CNOT1: variants seen among roughly 807,000 people sequenced by gnomAD.
The protein encoded by CNOT1 is CCR4-NOT transcription complex subunit 1, also known as CCR4-associated factor 1.
A neutral mutation model predicts 273.8 loss-of-function variants in CNOT1; 15 were observed. That is an observed-to-expected ratio of 0.05 (90% CI 0.04 to 0.08). CNOT1 has a LOEUF of 0.08. Ranked by LOEUF, CNOT1 falls within the 10% of genes least tolerant of loss-of-function variation. CNOT1 has a pLI of 1.00. For synonymous variants in CNOT1, 1,022 were observed against 1,005.5 expected (o/e 1.02, Z -0.31); for missense variants, 1,644 against 2,912.2 (o/e 0.56, Z 10.02).
intron 1 of CNOT1, among the ~76,000 whole-genome samples, chr16:58,604,589 C>T (rs1164486666): frequency 1.4e-5 from 2 of 146,306 alleles, no homozygotes; most frequent in East Asian, 2.0e-4. Context: ...GGAGACCAGC[C>T]TGACCAACAT....
chr16:58,533,423 T>C, intron 40 of CNOT1, among the ~76,000 whole-genome samples: 1 of 151,574 alleles, frequency 6.6e-6, no homozygotes, highest in South Asian at 2.1e-4. Flanking sequence ...GATCACAAGG[T>C]TGGGAGAGCG....
At chr16:58,591,820 T>C (rs2042066376) in intron 2 of CNOT1, among the ~76,000 whole-genome samples, 1 of 152,030 alleles carries the variant, frequency 6.6e-6, no homozygotes, top group Admixed American at 6.6e-5. Context: ...TTTGATACAC[T>C]CTAAGTCTTA....
chr16:58,535,702 A>G (rs1301242915), intron 39 of CNOT1, among the ~76,000 whole-genome samples: 1 of 151,860 alleles, frequency 6.6e-6, no homozygotes, highest in Non-Finnish European at 1.5e-5. Context: ...ACTGAGTAAC[A>G]TTCATTTTGA....
chr16:58,587,580 C>A (rs2041916500), intron 4 of CNOT1, among the ~76,000 whole-genome samples, 167 bp from the exon 5 acceptor site: 1 of 152,152 alleles, frequency 6.6e-6, no homozygotes, highest in Admixed American at 6.5e-5. Context: ...CAAACTTAAG[C>A]CTTCACATGA....
intron 1 of CNOT1, among the ~76,000 whole-genome samples, chr16:58,604,264 G>C (rs2042582598): frequency 6.6e-6 from 1 of 152,054 alleles, no homozygotes; most frequent in South Asian, 2.1e-4. Flanking sequence ...GTAACACAAA[G>C]CTATAGTCAC....
In CNOT1 at chr16:58,546,306, A is replaced by C. The variant is rs375493608; in HGVS notation, c.4006+15T>G. 10 of 1,607,084 alleles carry C rather than the reference A, an allele frequency of 6.2e-6. No individual in the cohort carries two copies. The highest frequency in any genetic ancestry group is 3.3e-5 in the Admixed American group (2 of 59,792). On this transcript the variant is annotated intron_variant, in intron 29 of 48. Coordinates refer to ENST00000317147, the MANE Select transcript of CNOT1 (RefSeq NM_016284.5). ...TAGCTAACAGAAGCCTTCCTTGACT[A>C]ATTAGCACACTTACTTGTGGTTGTG...
intron 2 of CNOT1, among the ~76,000 whole-genome samples, chr16:58,597,187 T>TGCCTGTAATCACAGCACTTTGGGA (rs964433867): frequency 6.6e-6 from 1 of 151,620 alleles, no homozygotes; most frequent in Non-Finnish European, 1.5e-5. Flanking sequence ...TGATGGCTCA[T>TGCCTGTAATCACAGCACTTTGGGA]GCCTGTAATC....
chr16:58,579,843 A>T (rs1238795932), intron 12 of CNOT1, among the ~76,000 whole-genome samples: 2 of 152,112 alleles, frequency 1.3e-5, no homozygotes, highest in Non-Finnish European at 2.9e-5. Flanking sequence ...TGATATACAC[A>T]CCAGGCCGGA....
At chr16:58,565,240 G>A (rs1390865617) in intron 16 of CNOT1, among the ~76,000 whole-genome samples, 1 of 151,994 alleles carries the variant, frequency 6.6e-6, no homozygotes, top group African/African-American at 2.4e-5. Context: ...AGCCTCCCCA[G>A]CTGCTGGGAC....
chr16:58,587,435 T>G (rs768187089), intron 4 of CNOT1, 22 bp from the exon 5 acceptor site: 1 of 1,611,472 alleles, frequency 6.2e-7, no homozygotes, highest in East Asian at 2.2e-5. Context: ...CAAATTTTAG[T>G]TTAAAATAAG....
At position 58,549,911 on chromosome 16, in the gene CNOT1, TACG is replaced by T. The variant is rs1567400639; in HGVS notation, c.3343-16_3343-14del. 1 of 1,613,470 alleles carries T rather than the reference TACG, an allele frequency of 6.2e-7. No homozygotes were observed. Among genetic ancestry groups the T allele is most frequent in the Non-Finnish European group, 8.5e-7 (1 of 1,179,832 alleles). ...TTAGCTCTTCAACCTAGCCGGTCAA[TACG>T]ACATGGGAAGCACAGAATTACACTA... On this transcript the variant is annotated splice_polypyrimidine_tract_variant and intron_variant, in intron 24 of 48. Coordinates refer to ENST00000317147, the MANE Select transcript of CNOT1 (RefSeq NM_016284.5).
rs1350257780 is a variant in CNOT1, at chr16:58,560,380, A to C, written c.1980-18T>G. On this transcript the variant is annotated intron_variant, in intron 16 of 48. Transcript: ENST00000317147. ...AAACACTCCTAAAATAGAGGGGAAA[A>C]GGTAAAAAATATCAGTTCCTATTCT... 1.2e-6 allele frequency: 2 copies of C among 1,611,714 alleles called. No individual in the cohort carries two copies. The highest frequency in any genetic ancestry group is 1.7e-6 in the Non-Finnish European group (2 of 1,179,294).
At chr16:58,526,394 A>C (rs1468487798) in intron 44 of CNOT1, among the ~76,000 whole-genome samples, 1 of 151,916 alleles carries the variant, frequency 6.6e-6, no homozygotes, top group Non-Finnish European at 1.5e-5. Flanking sequence ...TAATTTGCAC[A>C]ACTAACTGAT....
chr16:58,543,161 CATG>C, intron 31 of CNOT1: 1 of 1,407,240 alleles, frequency 7.1e-7, no homozygotes, highest in South Asian at 1.4e-5. Flanking sequence ...AATTATTAAT[CATG>C]ATACCTGAAT....
intron 11 of CNOT1, among the ~76,000 whole-genome samples, 179 bp from the exon 12 acceptor site, chr16:58,580,939 T>C (rs1294576532): frequency 1.3e-5 from 2 of 152,236 alleles, no homozygotes; most frequent in African/African-American, 2.4e-5. Context: ...AGGTGCATAA[T>C]GAAACCCTGT....
At chr16:58,583,302 C>T in intron 8 of CNOT1, 120 bp from the exon 9 acceptor site, 1 of 1,485,876 alleles carries the variant, frequency 6.7e-7, no homozygotes, top group Non-Finnish European at 8.9e-7. Context: ...ACAGGCAGAG[C>T]AGTAAGTGTT....
intron 1 of CNOT1, among the ~76,000 whole-genome samples, chr16:58,603,560 T>C (rs567250789): frequency 3.9e-5 from 6 of 151,930 alleles, no homozygotes; most frequent in African/African-American, 1.4e-4. Flanking sequence ...CAAACAATGG[T>C]TAGGTTAAGG....
intron 1 of CNOT1, among the ~76,000 whole-genome samples, chr16:58,622,222 G>A (rs989706150): frequency 6.6e-6 from 1 of 151,034 alleles, no homozygotes; most frequent in Admixed American, 6.6e-5. Context: ...GCTGAGGCAG[G>A]AGAATGGCGT....
intron 13 of CNOT1, 113 bp downstream of exon 13, chr16:58,578,586 G>A (rs892955624): frequency 3.4e-6 from 5 of 1,477,926 alleles, no homozygotes; most frequent in African/African-American, 2.9e-5. Context: ...GACTTTTAAA[G>A]TCATAATAAT....
Sources: gnomAD v4.1 joint callset for allele counts (sites outside exome capture counted in the v4.1 genomes callset) on GRCh38, gnomAD v4.1.1 for gene constraint, MANE v1.5 for transcripts, NCBI Gene and HGNC (gene_info 2026-07-23, HGNC 2026-07-21) for gene names.